The following NBL1 variants were observed in gnomAD, a reference collection of about 807,000 sequenced individuals.
NBL1 encodes neuroblastoma suppressor of tumorigenicity 1.
A neutral mutation model predicts 16.0 loss-of-function variants in NBL1; 9 were observed. The ratio of observed to expected loss-of-function variants is 0.56; its 90% confidence interval spans 0.34 to 0.98. The LOEUF is 0.98. Ranked by LOEUF, NBL1 falls within the 50% of genes least tolerant of loss-of-function variation. NBL1 has a pLI of 0.02. For synonymous variants in NBL1, 86 were observed against 100.7 expected (o/e 0.85, Z 0.87); for missense variants, 196 against 243.1 (o/e 0.81, Z 1.29).
chr1:19,645,690 C>T, intron 1 of NBL1: 2 of 1,236,736 alleles, frequency 1.6e-6, no homozygotes, highest in Non-Finnish European at 1.0e-6. Context: ...AAAGAAAAGG[C>T]GAGGCTGCAG....
chr1:19,655,417 C>T lies in NBL1; in HGVS notation c.264C>T (p.Ala88=). 6.2e-7 allele frequency: 1 copy of T among 1,614,160 alleles called. No individual in the cohort carries two copies. Among genetic ancestry groups the T allele is most frequent in the African/African-American group, 1.3e-5 (1 of 75,046 alleles). The change falls in exon 3 of 4, where the codon GCC becomes GCT. Residue 88 remains alanine (A), a synonymous_variant. Transcript: ENST00000375136. Reference sequence around the variant, plus strand: ...TTCACTGTGACTCCTGCATGCCAGCCCAGTCCATGTGGGAGATTGTGAGTA... The same window carrying T: ...TTCACTGTGACTCCTGCATGCCAGCTCAGTCCATGTGGGAGATTGTGAGTA... ...SLVHCDSCMP[A]QSMWEIVTLE...
intron 1 of NBL1, 84 bp from the exon 2 acceptor site, chr1:19,654,928 G>A (rs1051423371): frequency 1.9e-5 from 27 of 1,448,124 alleles, no homozygotes; most frequent in Middle Eastern, 5.2e-4. Flanking sequence ...CCAAGGAGTC[G>A]GATGCCAGAG....
At chr1:19,644,302 C>T, upstream of NBL1, 6 of 979,396 alleles carry the variant, frequency 6.1e-6, no homozygotes, top group Non-Finnish European at 7.2e-6. The surrounding 1 kb of genome is among the most constrained non-coding windows in gnomAD (Gnocchi z 4.6). Context: ...CGCGCGCCCG[C>T]CCGGGGCCGC....
intron 1 of NBL1, chr1:19,647,767 G>T: frequency 1.4e-6 from 1 of 696,658 alleles, no homozygotes; most frequent in Non-Finnish European, 1.8e-6. Flanking sequence ...GGAGAGCCCT[G>T]CCCTTTCCAC....
At chr1:19,648,440 G>A (rs999455671) in intron 1 of NBL1, among the ~76,000 whole-genome samples, 5 of 152,196 alleles carry the variant, frequency 3.3e-5, no homozygotes, top group African/African-American at 4.8e-5. Context: ...CACGAGGAGG[G>A]CCGGGCCCCG....
chr1:19,649,499 C>T (rs867804350), intron 1 of NBL1, among the ~76,000 whole-genome samples: 16 of 152,054 alleles, frequency 1.1e-4, no homozygotes, highest in Admixed American at 2.6e-4. Context: ...GCTGGGACTA[C>T]AGGCATGTGC....
Position 19,646,507 on chromosome 1 carries a change from C to G in NBL1, c.-20+2061C>G, listed in dbSNP as rs548371403. ...GGCCTGACCTGGGTGAGCAGGGAGC[C>G]CCAAGCCTGACACTGCCTTGCCCCT... On this transcript the variant is annotated intron_variant, in intron 1 of 3. Coordinates refer to ENST00000375136, the MANE Select transcript of NBL1 (RefSeq NM_005380.8). Among the ~76,000 whole-genome samples, 30 of 152,300 alleles carry G rather than the reference C, an allele frequency of 2.0e-4. No individual in the cohort carries two copies. In the South Asian group the frequency reaches 6.0e-3, roughly 31 times the overall value.
At chr1:19,646,164 C>T in intron 1 of NBL1, 4 of 1,115,350 alleles carry the variant, frequency 3.6e-6, no homozygotes, top group Non-Finnish European at 5.1e-6. Context: ...CATGCTCTCC[C>T]CAGTGCTGAA....
Position 19,650,440 on chromosome 1 carries a change from G to A in NBL1, c.-19-4572G>A, listed in dbSNP as rs561031132. On this transcript the variant is annotated intron_variant, in intron 1 of 3. Transcript: ENST00000375136. ...GTGTCTGAGTGGGCATAGGGTCTGT[G>A]CCCCCAGCTCCCTGCCCTCACCCTT... Among the ~76,000 whole-genome samples the A allele has an allele frequency of 4.6e-5, 7 of 152,314 alleles. 1 individual carries two copies. Among genetic ancestry groups the A allele is most frequent in the Admixed American group, 4.6e-4 (7 of 15,296 alleles).
Position 19,655,141 on chromosome 1 carries a change from C to G in NBL1, c.111C>G (p.Ala37=). The G allele has an allele frequency of 1.2e-6, 2 of 1,611,278 alleles. No individual in the cohort carries two copies. Among genetic ancestry groups the G allele is most frequent in the Non-Finnish European group, 8.5e-7 (1 of 1,178,888 alleles). The change falls in exon 2 of 4, where the codon GCC becomes GCG. Residue 37 remains alanine, a synonymous_variant. Transcript: ENST00000375136. ...LFPDKSAWCE[A]KNITQIVGHS... is the part of the protein sequence containing the mutation. ...CAGATAAGAGTGCCTGGTGCGAAGC[C>G]AAGAACATCACCCAGATCGTGGGCC...
At chr1:19,654,961 C>T (rs372086277) in intron 1 of NBL1, 51 bp from the exon 2 acceptor site, 48 of 1,502,352 alleles carry the variant, frequency 3.2e-5, no homozygotes, top group African/African-American at 2.9e-4. Flanking sequence ...CACCACTACC[C>T]GGCCCCCTGC....
At chr1:19,647,113 A>C (rs1161705192) in intron 1 of NBL1, among the ~76,000 whole-genome samples, 3 of 152,206 alleles carry the variant, frequency 2.0e-5, no homozygotes, top group Non-Finnish European at 4.4e-5. Flanking sequence ...CTGTCCTGTG[A>C]GCTGGATATT....
rs2094969787 is a variant in NBL1 at position 19,644,984 on chromosome 1, GC to G, written c.-20+541del. Among the ~76,000 whole-genome samples the G allele has an allele frequency of 6.6e-6, 1 of 151,866 alleles. No individual in the cohort carries two copies. Among genetic ancestry groups the G allele is most frequent in the Non-Finnish European group, 1.5e-5 (1 of 68,020 alleles). Reference sequence around the variant, plus strand: ...TCCCCGCCTGCCTCCGTGTTCGGCTGCCCGCGTTTGTGTCTCTGCCTCTGGC... The same window carrying G: ...TCCCCGCCTGCCTCCGTGTTCGGCTGCCGCGTTTGTGTCTCTGCCTCTGGC... On this transcript the variant is annotated intron_variant, in intron 1 of 3. Transcript: ENST00000375136. This position sits in a 1 kb window ranked among gnomAD's most constrained non-coding sequence, Gnocchi z 4.6.
chr1:19,649,910 C>T (rs1425851804), intron 1 of NBL1, among the ~76,000 whole-genome samples: 1 of 152,202 alleles, frequency 6.6e-6, no homozygotes, highest in Non-Finnish European at 1.5e-5. Context: ...ATTCTCTCAC[C>T]TTGGCCTCCC....
Position 19,655,092 on chromosome 1 carries a change from C to G in NBL1, c.62C>G (p.Pro21Arg). 1.2e-6 allele frequency: 2 copies of G among 1,613,058 alleles called. No homozygotes were observed. Among genetic ancestry groups the G allele is most frequent in the Non-Finnish European group, 1.7e-6 (2 of 1,179,910 alleles). Residue 21 changes from proline to arginine, a missense_variant, in exon 2 of 4, where the codon CCC (proline) becomes CGC (arginine). Coordinates refer to ENST00000375136, the MANE Select transcript of NBL1 (RefSeq NM_005380.8). ...GCCATGCTACTGGCTGCCCCACCAC[C>G]CATCAACAAGCTGGCACTGTTCCCA... The part of the protein sequence containing the change: ...LPAMLLAAPP[P>R]INKLALFPDK...
intron 1 of NBL1, chr1:19,645,321 C>T: frequency 1.0e-6 from 1 of 982,526 alleles, no homozygotes; most frequent in South Asian, 4.7e-5. Context: ...ACGACAGGCC[C>T]TGCTGCGGGC....
At chr1:19,655,873 C>A (rs747537071) in intron 3 of NBL1, among the ~76,000 whole-genome samples, 3 of 152,190 alleles carry the variant, frequency 2.0e-5, no homozygotes, top group Non-Finnish European at 2.9e-5. Flanking sequence ...CGCTTCTACC[C>A]CAGGGCCCTT....
chr1:19,646,608 G>A (rs895215672), intron 1 of NBL1, among the ~76,000 whole-genome samples: 10 of 152,148 alleles, frequency 6.6e-5, no homozygotes, highest in South Asian at 2.1e-4. Flanking sequence ...CGATCGCCCC[G>A]CCCTTGCCAA....
chr1:19,651,965 A>G (rs770515968), intron 1 of NBL1, among the ~76,000 whole-genome samples: 1 of 151,914 alleles, frequency 6.6e-6, no homozygotes, highest in Non-Finnish European at 1.5e-5. Context: ...CTAGTCTTGG[A>G]CTCCTGAGTT....
Sources: gnomAD v4.1 joint callset for allele counts (sites outside exome capture counted in the v4.1 genomes callset) on GRCh38, gnomAD v4.1.1 for gene constraint, Gnocchi (gnomAD v3.1) non-coding constraint, MANE v1.5 for transcripts, NCBI Gene and HGNC (gene_info 2026-07-23, HGNC 2026-07-21) for gene names.